Variants in MILR1 observed in about 807,000 individuals in gnomAD.
MILR1 encodes allergin-1.
A neutral mutation model predicts 18.5 loss-of-function variants in MILR1; 31 were observed. The observed-to-expected ratio is 1.68, with a 90% CI of 1.26 to 2.26. The LOEUF (loss-of-function observed/expected upper bound fraction) is 2.26, where lower values mean the gene tolerates loss of function less well. Among genes scored for constraint, MILR1 ranks in the 30% most tolerant of loss-of-function variants. The pLI is 0.00. For synonymous variants in MILR1, 85 were observed against 56.2 expected (o/e 1.51, Z -2.30); for missense variants, 257 against 157.4 (o/e 1.63, Z -3.38).
chr17:64,483,773 C>T, the MILR1 span, among the ~76,000 whole-genome samples: 1 of 151,088 alleles, frequency 6.6e-6, no homozygotes, highest in Non-Finnish European at 1.5e-5. Context: ...TAGAATGCTC[C>T]ACTCACTGCC....
chr17:64,474,384 ATTTTT>A, the MILR1 span, among the ~76,000 whole-genome samples: 1 of 150,766 alleles, frequency 6.6e-6, no homozygotes, highest in Admixed American at 6.6e-5. Flanking sequence ...CTTATTTTTT[ATTTTT>A]TTTGAGACAG....
chr17:64,496,279 A>C, the MILR1 span: 1 of 669,366 alleles, frequency 1.5e-6, no homozygotes, highest in African/African-American at 1.8e-5. Context: ...CGACTACTTC[A>C]AAAAGATGAG....
chr17:64,496,583 TC>T, the MILR1 span: 1 of 1,612,530 alleles, frequency 6.2e-7, no homozygotes, highest in African/African-American at 1.3e-5. Context: ...GTGGAGGGCG[TC>T]CACCGGGAAT....
the MILR1 span, among the ~76,000 whole-genome samples, chr17:64,489,454 C>T: frequency 6.6e-6 from 1 of 151,526 alleles, no homozygotes; most frequent in East Asian, 1.9e-4. Flanking sequence ...GATGCTGCAA[C>T]CAGTAAGGCA....
At chr17:64,496,045 A>T in the MILR1 span, among the ~76,000 whole-genome samples, 1 of 152,200 alleles carries the variant, frequency 6.6e-6, no homozygotes, top group Non-Finnish European at 1.5e-5. Flanking sequence ...ATAGTTTCAG[A>T]ATTATAATTT....
chr17:64,492,107 A>G, the MILR1 span, among the ~76,000 whole-genome samples: 1 of 152,214 alleles, frequency 6.6e-6, no homozygotes, highest in Non-Finnish European at 1.5e-5. Flanking sequence ...AACCATGACT[A>G]AAGTGGGATA....
intron 5 of MILR1, among the ~76,000 whole-genome samples, chr17:64,465,024 G>T (rs1320794638): frequency 1.3e-5 from 2 of 152,186 alleles, no homozygotes; most frequent in Non-Finnish European, 2.9e-5. Context: ...GGATGCGGAG[G>T]TTGCGGTGAG....
the MILR1 span, among the ~76,000 whole-genome samples, chr17:64,497,234 T>TC: frequency 6.6e-6 from 1 of 152,232 alleles, no homozygotes; most frequent in African/African-American, 2.4e-5. Flanking sequence ...CTTTTTTCTT[T>TC]CCTCGTAAGC....
chr17:64,473,815 G>A, the MILR1 span, among the ~76,000 whole-genome samples: 3 of 152,112 alleles, frequency 2.0e-5, no homozygotes, highest in African/African-American at 7.2e-5. Flanking sequence ...ATTTAGCAGT[G>A]GTTACTACTG....
At position 64,466,677 on chromosome 17, in the gene MILR1, G is replaced by A; in HGVS notation, c.979+15G>A. The A allele has an allele frequency of 1.9e-6, 3 of 1,593,620 alleles. No individual in the cohort carries two copies. Among genetic ancestry groups the A allele is most frequent in the Non-Finnish European group, 2.6e-6 (3 of 1,169,410 alleles). On this transcript the variant is annotated intron_variant, in intron 8 of 9. Coordinates refer to ENST00000619286, the MANE Select transcript of MILR1 (RefSeq NM_001085423.2). ...AAGAGAGCAAGGTGAGCCACAGGTT[G>A]GGATAAGAGGTACTGGTGAAATGAG...
intron 5 of MILR1, among the ~76,000 whole-genome samples, chr17:64,464,996 GA>G (rs1555662805): frequency 6.6e-6 from 1 of 152,148 alleles, no homozygotes; most frequent in East Asian, 1.9e-4. Context: ...GCTGAGGCAG[GA>G]AAATCGCTTG....
chr17:64,473,418 G>T (rs938087340), downstream of MILR1, among the ~76,000 whole-genome samples: 1 of 151,626 alleles, frequency 6.6e-6, no homozygotes, highest in Non-Finnish European at 1.5e-5. Flanking sequence ...TTAAAGGGGA[G>T]ACCTGGCCAG....
At chr17:64,493,119 G>T in the MILR1 span, 1 of 1,306,446 alleles carries the variant, frequency 7.7e-7, no homozygotes, top group Non-Finnish European at 1.1e-6. Context: ...CGTTAACACA[G>T]CATAAAGACA....
At chr17:64,477,568 G>C in the MILR1 span, among the ~76,000 whole-genome samples, 1 of 152,124 alleles carries the variant, frequency 6.6e-6, no homozygotes. Context: ...ACTAGCTTTG[G>C]ACAGTCTACC....
chr17:64,470,678 C>T (rs1310329355), downstream of MILR1, among the ~76,000 whole-genome samples: 1 of 152,158 alleles, frequency 6.6e-6, no homozygotes, highest in East Asian at 1.9e-4. Flanking sequence ...ACTCCATCTC[C>T]TCCATGGTTG....
At chr17:64,475,592 T>C in the MILR1 span, among the ~76,000 whole-genome samples, 1 of 146,728 alleles carries the variant, frequency 6.8e-6, no homozygotes, top group East Asian at 2.0e-4. Flanking sequence ...GAGGTTGCAG[T>C]GAGCTGAGTT....
the MILR1 span, among the ~76,000 whole-genome samples, chr17:64,479,601 T>C: frequency 6.6e-6 from 1 of 152,088 alleles, no homozygotes; most frequent in Admixed American, 6.6e-5. Context: ...ATAACAAGAA[T>C]GGATTATTTA....
the MILR1 span, among the ~76,000 whole-genome samples, chr17:64,492,471 G>A: frequency 2.0e-4 from 30 of 152,120 alleles, no homozygotes; most frequent in African/African-American, 6.8e-4. Context: ...ACACATCTGA[G>A]CCCAACAAAT....
At chr17:64,454,298 C>T (rs1353538181) in intron 3 of MILR1, among the ~76,000 whole-genome samples, 1 of 152,156 alleles carries the variant, frequency 6.6e-6, no homozygotes, top group Admixed American at 6.5e-5. Context: ...GCAATCAAAG[C>T]CCATTGCAGC....
Sources: allele counts gnomAD v4.1 joint callset (sites outside exome capture counted in the v4.1 genomes callset), GRCh38; gene constraint gnomAD v4.1.1; transcripts MANE v1.5; gene names NCBI Gene and HGNC (gene_info 2026-07-23, HGNC 2026-07-21).